TTC27: variants seen among roughly 807,000 people sequenced by gnomAD.
The protein encoded by TTC27 is tetratricopeptide repeat domain 27, also known as tetratricopeptide repeat protein 27.
A neutral mutation model predicts 115.9 loss-of-function variants in TTC27; 79 were observed. The observed-to-expected ratio is 0.68, with a 90% CI of 0.57 to 0.82. TTC27 has a LOEUF of 0.82. Among genes scored for constraint, TTC27 ranks in the 40% least tolerant of loss-of-function variants. TTC27 has a pLI of 0.00. For synonymous variants in TTC27, 401 were observed against 356.0 expected (o/e 1.13, Z -1.42); for missense variants, 1,054 against 993.1 (o/e 1.06, Z -0.82).
intron 7 of TTC27, among the ~76,000 whole-genome samples, chr2:32,670,818 C>T (rs1042385894): frequency 6.6e-6 from 1 of 151,894 alleles, no homozygotes; most frequent in African/African-American, 2.4e-5. Flanking sequence ...GGGTTTTTGC[C>T]ATGTTTGCCA....
In TTC27 at chr2:32,820,953, G is replaced by T; in HGVS notation, c.*15G>T. 1 of 1,246,664 alleles carries T rather than the reference G, an allele frequency of 8.0e-7. No individual in the cohort carries two copies. Among genetic ancestry groups the T allele is most frequent in the Non-Finnish European group, 1.0e-6 (1 of 954,926 alleles). 77.2% of individuals were successfully genotyped at this position (1,246,664 alleles called of 1,614,324 possible). On this transcript the variant is annotated 3_prime_UTR_variant, in exon 20 of 20. Coordinates refer to ENST00000317907, the MANE Select transcript of TTC27 (RefSeq NM_017735.5). ...ATCAGTATTGATTCTGCTGGAAGCA[G>T]ATTCTGGAAAAGGTGCTTTCACCTG... is the stretch of plus-strand genomic sequence containing the variant.
intron 5 of TTC27, among the ~76,000 whole-genome samples, chr2:32,653,301 T>G (rs925703654): frequency 4.0e-5 from 6 of 151,840 alleles, no homozygotes; most frequent in African/African-American, 1.2e-4. Flanking sequence ...GTTGAAAGAG[T>G]GTTCAAAAAA....
chr2:32,753,819 A>C (rs1669104845), intron 12 of TTC27, among the ~76,000 whole-genome samples: 1 of 152,034 alleles, frequency 6.6e-6, no homozygotes, highest in Non-Finnish European at 1.5e-5. Flanking sequence ...TAATCCCAGC[A>C]CTCTGACACT....
chr2:32,629,709 G>A (rs1559176817), intron 1 of TTC27, among the ~76,000 whole-genome samples: 1 of 152,176 alleles, frequency 6.6e-6, no homozygotes, highest in Non-Finnish European at 1.5e-5. Flanking sequence ...AAAGTGCTGG[G>A]ATTACAGGCA....
At chr2:32,812,262 A>C (rs781361989) in intron 17 of TTC27, among the ~76,000 whole-genome samples, 1 of 152,172 alleles carries the variant, frequency 6.6e-6, no homozygotes, top group East Asian at 1.9e-4. Flanking sequence ...CCTGGCCTTT[A>C]TATCTTTCTG....
intron 9 of TTC27, among the ~76,000 whole-genome samples, chr2:32,700,851 G>C (rs188082173): frequency 1.3e-5 from 2 of 152,240 alleles, no homozygotes; most frequent in Admixed American, 1.3e-4. Flanking sequence ...GAAAAGTCTT[G>C]AGATCACATT....
chr2:32,632,885 G>C (rs1465812134), intron 2 of TTC27, among the ~76,000 whole-genome samples: 2 of 151,954 alleles, frequency 1.3e-5, no homozygotes, highest in African/African-American at 4.8e-5. Context: ...AGAATTAATG[G>C]GTTTTACATT....
At chr2:32,772,914 G>C (rs1279938833) in intron 13 of TTC27, among the ~76,000 whole-genome samples, 4 of 152,036 alleles carry the variant, frequency 2.6e-5, no homozygotes, top group African/African-American at 9.7e-5. Context: ...TTCACACTTG[G>C]GGAACTGAGA....
intron 18 of TTC27, among the ~76,000 whole-genome samples, chr2:32,816,096 C>T (rs1671492998): frequency 6.6e-6 from 1 of 151,872 alleles, no homozygotes; most frequent in African/African-American, 2.4e-5. Context: ...TCACTTGAGC[C>T]CAGGAGTTCA....
intron 10 of TTC27, among the ~76,000 whole-genome samples, chr2:32,718,931 C>A (rs2151908914): frequency 6.6e-6 from 1 of 152,344 alleles, no homozygotes; most frequent in South Asian, 2.1e-4. Flanking sequence ...TCCTTTCCTT[C>A]TGAACAGACA....
At chr2:32,731,185 C>T (rs951547664) in intron 10 of TTC27, among the ~76,000 whole-genome samples, 1 of 152,094 alleles carries the variant, frequency 6.6e-6, no homozygotes, top group Non-Finnish European at 1.5e-5. Context: ...ACCTCCGCCT[C>T]CTGGGCTCAA....
At chr2:32,665,846 G>A (rs963810187) in intron 6 of TTC27, among the ~76,000 whole-genome samples, 1 of 152,014 alleles carries the variant, frequency 6.6e-6, no homozygotes, top group African/African-American at 2.4e-5. Flanking sequence ...AGCTGAGATC[G>A]CACCACTGCA....
chr2:32,722,234 A>G (rs748946488), intron 10 of TTC27, among the ~76,000 whole-genome samples: 1 of 152,178 alleles, frequency 6.6e-6, no homozygotes, highest in East Asian at 1.9e-4. Flanking sequence ...ATTTTCACAT[A>G]TCTGAGATAT....
At chr2:32,681,976 ATATATGTG>A (rs1223980690) in intron 9 of TTC27, among the ~76,000 whole-genome samples, 16 of 58,838 alleles carry the variant, frequency 2.7e-4, no homozygotes, top group South Asian at 2.1e-3. Flanking sequence ...ATATATGTAT[ATATATGTG>A]TGTGTGTGTG....
intron 5 of TTC27, among the ~76,000 whole-genome samples, chr2:32,659,312 C>T (rs1156615057): frequency 1.4e-5 from 2 of 145,854 alleles, no homozygotes; most frequent in African/African-American, 2.5e-5. Flanking sequence ...CTGAAGAAAA[C>T]TTGTAAACTG....
At chr2:32,759,977 G>A (rs1207456734) in intron 13 of TTC27, among the ~76,000 whole-genome samples, 1 of 152,100 alleles carries the variant, frequency 6.6e-6, no homozygotes, top group Admixed American at 6.6e-5. Flanking sequence ...ACTTCCTTTT[G>A]TTTACCCATT....
chr2:32,764,003 C>T lies in TTC27; in HGVS notation c.1680+5484C>T, dbSNP rs148182047. On this transcript the variant is annotated intron_variant, in intron 13 of 19. Transcript: ENST00000317907. The stretch of plus-strand genomic sequence containing the variant: ...TTCCTGTTAACACTCTACTTTTATG[C>T]AAAAATGTAAAAACCAAAGAAATTA... Among the ~76,000 whole-genome samples the T allele has an allele frequency of 1.4e-3, 211 of 152,110 alleles. 1 individual carries two copies. Among genetic ancestry groups the T allele is most frequent in the African/African-American group, 5.0e-3 (207 of 41,486 alleles).
intron 13 of TTC27, among the ~76,000 whole-genome samples, chr2:32,763,781 A>G (rs1669526770): frequency 6.6e-6 from 1 of 152,200 alleles, no homozygotes; most frequent in Admixed American, 6.5e-5. Context: ...GCTATTGTTC[A>G]CTTATACCCA....
chr2:32,775,408 C>T (rs189233056), intron 13 of TTC27, among the ~76,000 whole-genome samples: 4 of 152,268 alleles, frequency 2.6e-5, no homozygotes, highest in Admixed American at 2.6e-4. Context: ...CCGTGTTAGC[C>T]AGGATGGTCT....
Sources: gnomAD v4.1 joint callset for allele counts (sites outside exome capture counted in the v4.1 genomes callset) on GRCh38, gnomAD v4.1.1 for gene constraint, MANE v1.5 for transcripts, NCBI Gene and HGNC (gene_info 2026-07-23, HGNC 2026-07-21) for gene names.